ENPEP: variants seen among roughly 807,000 people sequenced by gnomAD.
The protein encoded by ENPEP is AP-A.
Under a neutral mutation model 114.5 loss-of-function variants are expected in ENPEP, and 103 were observed. The ratio of observed to expected loss-of-function variants is 0.90; its 90% CI spans 0.77 to 1.06. ENPEP has a LOEUF of 1.06. Ranked by LOEUF, ENPEP falls within the 50% of genes least tolerant of loss-of-function variation. The pLI is 0.00. For synonymous variants in ENPEP, 420 were observed against 422.0 expected, an observed-to-expected ratio of 1.00 and a Z score of 0.06; for missense variants, 1,196 against 1,161.3, an observed-to-expected ratio of 1.03 and a Z score of -0.43.
intron 3 of ENPEP, among the ~76,000 whole-genome samples, chr4:110,505,163 C>A (rs1725327520): frequency 6.6e-6 from 1 of 152,114 alleles, no homozygotes; most frequent in Non-Finnish European, 1.5e-5. Context: ...TTACTCTGTT[C>A]AATGGCCAAA....
At position 110,476,335 on chromosome 4, in the gene ENPEP, A is replaced by C; in HGVS notation, c.-80A>C. 1.4e-6 allele frequency: 2 copies of C among 1,477,560 alleles called. No individual in the cohort carries two copies. The highest frequency in any genetic ancestry group is 1.8e-6 in the Non-Finnish European group (2 of 1,108,608). 91.5% of individuals were successfully genotyped at this position (1,477,560 alleles called of 1,614,324 possible). Reference sequence around the variant, plus strand: ...CTGCCAAATCAGGGGATTCCTTCCAATTTAAAAAGGAAGTCTGCTGACGTT... The same window carrying C: ...CTGCCAAATCAGGGGATTCCTTCCACTTTAAAAAGGAAGTCTGCTGACGTT... On this transcript the variant is annotated 5_prime_UTR_variant, in exon 1 of 20. Coordinates refer to ENST00000265162, the MANE Select transcript of ENPEP (RefSeq NM_001977.4).
At position 110,561,265 on chromosome 4, in the gene ENPEP, T is replaced by C. The variant is rs992787346; in HGVS notation, c.2722-141T>C. On this transcript the variant is annotated intron_variant, in intron 19 of 19. Transcript: ENST00000265162. ...TGAGAGATGGGTTCAGTCTGAATGA[T>C]GCGCCAGAGGTGTAGCTCAACGTTG... The C allele has an allele frequency of 1.1e-5, 9 of 839,064 alleles. No individual in the cohort carries two copies. The Admixed American group carries it at 2.2e-4, about 20-fold the overall frequency. The allele number at this position is 839,064 out of a possible 1,614,324, so 52.0% of individuals were successfully genotyped here. A position where few individuals can be genotyped will look rare whatever the true frequency, so the allele number is the denominator to read the frequency against.
At chr4:110,522,825 A>T (rs1317496422) in intron 10 of ENPEP, among the ~76,000 whole-genome samples, 1 of 152,240 alleles carries the variant, frequency 6.6e-6, no homozygotes, top group Non-Finnish European at 1.5e-5. Context: ...TCAGAAATGC[A>T]GCCCCAGAAA....
At chr4:110,535,839 T>A (rs1726595902) in intron 11 of ENPEP, among the ~76,000 whole-genome samples, 1 of 152,106 alleles carries the variant, frequency 6.6e-6, no homozygotes, top group Non-Finnish European at 1.5e-5. Flanking sequence ...AAATACAAAG[T>A]TAGCCAGGCA....
At chr4:110,514,596 T>A (rs1180715256) in intron 7 of ENPEP, among the ~76,000 whole-genome samples, 3 of 152,110 alleles carry the variant, frequency 2.0e-5, no homozygotes, top group East Asian at 3.8e-4. Flanking sequence ...GTTTAAGATA[T>A]TATGTCCAAG....
At chr4:110,477,299 T>A (rs192507296) in intron 1 of ENPEP, among the ~76,000 whole-genome samples, 1 of 152,340 alleles carries the variant, frequency 6.6e-6, no homozygotes, top group Non-Finnish European at 1.5e-5. Context: ...AGTGTAAGTC[T>A]TTTATTCCAT....
chr4:110,497,155 G>A (rs1187777145), intron 3 of ENPEP, among the ~76,000 whole-genome samples: 1 of 152,184 alleles, frequency 6.6e-6, no homozygotes, highest in Non-Finnish European at 1.5e-5. Context: ...CACAACAACT[G>A]TTATTGTGGT....
intron 1 of ENPEP, among the ~76,000 whole-genome samples, chr4:110,487,068 C>T (rs1240867161): frequency 6.6e-6 from 1 of 152,100 alleles, no homozygotes; most frequent in African/African-American, 2.4e-5. Flanking sequence ...TGGGTGGTGT[C>T]AGCTGATCCA....
At chr4:110,510,442 G>A (rs1446528498) in intron 6 of ENPEP, 84 bp downstream of exon 6, 20 of 1,130,648 alleles carry the variant, frequency 1.8e-5, no homozygotes, top group African/African-American at 6.1e-5. Context: ...TAATGGTCCC[G>A]AGTCAGATGG....
At chr4:110,544,224 C>T (rs1469352397) in intron 13 of ENPEP, among the ~76,000 whole-genome samples, 1 of 152,038 alleles carries the variant, frequency 6.6e-6, no homozygotes. Flanking sequence ...ATTTTCTTAT[C>T]ACCAAGGTAG....
intron 10 of ENPEP, among the ~76,000 whole-genome samples, chr4:110,527,573 T>G (rs1370837813): frequency 6.6e-6 from 1 of 152,170 alleles, no homozygotes; most frequent in African/African-American, 2.4e-5. Flanking sequence ...ATACATGAAT[T>G]GAAACATAGA....
intron 1 of ENPEP, among the ~76,000 whole-genome samples, chr4:110,481,574 T>C (rs965973565): frequency 1.3e-5 from 2 of 152,208 alleles, no homozygotes; most frequent in Admixed American, 1.3e-4. Flanking sequence ...TAGTATCCTC[T>C]GGCAAATGCT....
At chr4:110,542,375 G>C (rs1726881973) in intron 11 of ENPEP, among the ~76,000 whole-genome samples, 1 of 152,052 alleles carries the variant, frequency 6.6e-6, no homozygotes, top group Non-Finnish European at 1.5e-5. Context: ...AATCCATTAT[G>C]ATTAGGGATC....
rs548508720 is a variant in ENPEP at position 110,509,330 on chromosome 4, G to A, written c.1040-323G>A. ...TTTGAAAACTTCTCTTTTTCCTCACGGCTTATCCCCTAAAACACATGTAGC... is the reference window on the plus strand; with the variant it reads ...TTTGAAAACTTCTCTTTTTCCTCACAGCTTATCCCCTAAAACACATGTAGC... On this transcript the variant is annotated intron_variant, in intron 4 of 19. Coordinates refer to ENST00000265162, the MANE Select transcript of ENPEP (RefSeq NM_001977.4). Among the ~76,000 whole-genome samples, 34 of 152,180 alleles carry A rather than the reference G, an allele frequency of 2.2e-4. No homozygotes were observed. In the South Asian group the frequency reaches 2.7e-3, roughly 12 times the overall value.
chr4:110,549,881 G>A lies in ENPEP; in HGVS notation c.2496G>A (p.Leu832=). 1 of 1,607,432 alleles carries A rather than the reference G, an allele frequency of 6.2e-7. No homozygotes were observed. Among genetic ancestry groups the A allele is most frequent in the South Asian group, 1.1e-5 (1 of 90,164 alleles). Reference sequence around the variant, plus strand: ...CATCAGTGAAGAACGTTACTCTTTTGTCAAGGTAAGTTGGGCTTTTATTTC... The same window carrying A: ...CATCAGTGAAGAACGTTACTCTTTTATCAAGGTAAGTTGGGCTTTTATTTC... ...GLASVKNVTL[L]SRYLDLLKDT... Residue 832 remains leucine (L), a synonymous_variant, in exon 17 of 20, where the codon TTG becomes TTA. Coordinates refer to ENST00000265162, the MANE Select transcript of ENPEP (RefSeq NM_001977.4).
At chr4:110,542,028 G>A (rs982954018) in intron 11 of ENPEP, among the ~76,000 whole-genome samples, 5 of 152,076 alleles carry the variant, frequency 3.3e-5, no homozygotes, top group African/African-American at 1.2e-4. Context: ...TGTTGTTTTA[G>A]AAAGAATGCT....
In ENPEP at chr4:110,491,117, G is replaced by A; in HGVS notation, c.871G>A (p.Val291Ile). Residue 291 changes from valine to isoleucine, a missense_variant, in exon 3 of 20, where the codon GTA becomes ATA. Physicochemically the swap from Val to Ile is conservative, Grantham distance 29. Transcript: ENST00000265162. ...PMSTYLVCFA[V>I]HQFDSVKRIS... ...GAGCACGTACCTGGTGTGCTTTGCT[G>A]TACATCAATTTGACTCTGTAAAGAG... 1 of 1,611,798 alleles carries A rather than the reference G, an allele frequency of 6.2e-7. No homozygotes were observed. Among genetic ancestry groups the A allele is most frequent in the South Asian group, 1.1e-5 (1 of 90,818 alleles).
At chr4:110,510,933 C>T (rs1725550943) in intron 6 of ENPEP, among the ~76,000 whole-genome samples, 1 of 152,074 alleles carries the variant, frequency 6.6e-6, no homozygotes, top group South Asian at 2.1e-4. Context: ...TTAAAAGCTC[C>T]CAAATGTGCA....
chr4:110,477,936 T>C (rs1724175281), intron 1 of ENPEP, among the ~76,000 whole-genome samples: 1 of 152,178 alleles, frequency 6.6e-6, no homozygotes, highest in Non-Finnish European at 1.5e-5. Flanking sequence ...CTCATTGAAC[T>C]CCAAAAACTT....
Sources: allele counts gnomAD v4.1 joint callset (sites outside exome capture counted in the v4.1 genomes callset), GRCh38; gene constraint gnomAD v4.1.1; transcripts MANE v1.5; gene names NCBI Gene and HGNC (gene_info 2026-07-23, HGNC 2026-07-21).